The following MTUS2 variants were observed in gnomAD, a reference collection of about 807,000 sequenced individuals.
MTUS2 encodes microtubule associated scaffold protein 2.
In MTUS2, 40 loss-of-function variants were observed where a neutral mutation model predicts 114.1. That is an observed-to-expected ratio of 0.35 (90% CI 0.27 to 0.46). MTUS2 has a LOEUF of 0.46. Ranked by LOEUF, MTUS2 falls within the 20% of genes least tolerant of loss-of-function variation. MTUS2 has a pLI of 1.00. For missense variants in MTUS2, 1,679 were observed against 1,705.4 expected (o/e 0.98, Z 0.27); for synonymous variants, 688 against 672.0 (o/e 1.02, Z -0.37).
At chr13:29,171,342 C>A (rs1266592305) in intron 5 of MTUS2, among the ~76,000 whole-genome samples, 1 of 152,104 alleles carries the variant, frequency 6.6e-6, no homozygotes, top group East Asian at 1.9e-4. Flanking sequence ...AATAAGAATC[C>A]AGCAGGACCT....
chr13:29,325,539 A>AAGG (rs1491542048), intron 7 of MTUS2, among the ~76,000 whole-genome samples: 17 of 136,662 alleles, frequency 1.2e-4, no homozygotes, highest in African/African-American at 4.2e-4. Flanking sequence ...GAAGGAGAAG[A>AAGG]AAAGAAGAAG....
chr13:29,327,305 GCAGCTGTGAAAC>G (rs1196098555), intron 7 of MTUS2, among the ~76,000 whole-genome samples: 1 of 151,946 alleles, frequency 6.6e-6, no homozygotes, highest in African/African-American at 2.4e-5. Flanking sequence ...CCATGTGTAC[GCAGCTGTGAAAC>G]CATCATCCCA....
At chr13:29,246,156 CA>C (rs952345699) in intron 5 of MTUS2, among the ~76,000 whole-genome samples, 5 of 151,326 alleles carry the variant, frequency 3.3e-5, no homozygotes, top group African/African-American at 1.2e-4. Flanking sequence ...GCAGAAGTGG[CA>C]AAAAAAATAG....
chr13:29,013,070 T>G (rs2138428708), intron 2 of MTUS2, among the ~76,000 whole-genome samples: 1 of 152,294 alleles, frequency 6.6e-6, no homozygotes, highest in East Asian at 1.9e-4. Flanking sequence ...AACAAAAACC[T>G]TGTGTGATTC....
At chr13:29,125,141 T>C (rs1891463361) in intron 5 of MTUS2, among the ~76,000 whole-genome samples, 1 of 152,252 alleles carries the variant, frequency 6.6e-6, no homozygotes, top group African/African-American at 2.4e-5. Flanking sequence ...TGTCAGCCAA[T>C]TATTTAGTTG....
intron 2 of MTUS2, among the ~76,000 whole-genome samples, chr13:28,853,331 C>T (rs1033438019): frequency 1.3e-5 from 2 of 152,238 alleles, no homozygotes; most frequent in East Asian, 1.9e-4. Context: ...ATCTCTTGTT[C>T]TCCATGTTCC....
intron 7 of MTUS2, among the ~76,000 whole-genome samples, chr13:29,336,715 C>G (rs1593317825): frequency 6.6e-6 from 1 of 152,218 alleles, no homozygotes; most frequent in Admixed American, 6.5e-5. Flanking sequence ...GAAGGAACAA[C>G]ATTTAAGTCT....
In MTUS2 at chr13:29,026,543, G is replaced by A. The variant is rs1459235953; in HGVS notation, c.1845G>A (p.Met615Ile). The change falls in exon 3 of 16, where the codon ATG (methionine) becomes ATA (isoleucine). Residue 615 changes from methionine to isoleucine, a missense_variant. Around this residue, in one of 3 missense-constraint regions of MTUS2, gnomAD observed 843 missense variants for 770.8 expected, o/e 1.09. Transcript: ENST00000612955. ...ACACACCTTCCTCGCAGGAGGGAATGGAGAACTATCAGGTTGAAAAAACAG... is the reference window on the plus strand; with the variant it reads ...ACACACCTTCCTCGCAGGAGGGAATAGAGAACTATCAGGTTGAAAAAACAG... ...SKDTPSSQEGMENYQVEKTEE... is the reference protein window; with the variant it reads ...SKDTPSSQEGIENYQVEKTEE... 6 of 1,613,946 alleles carry A rather than the reference G, an allele frequency of 3.7e-6. No individual in the cohort carries two copies. Among genetic ancestry groups the A allele is most frequent in the Admixed American group, 1.7e-5 (1 of 60,020 alleles).
At chr13:29,022,806 G>A (rs952644054) in intron 2 of MTUS2, among the ~76,000 whole-genome samples, 19 of 152,222 alleles carry the variant, frequency 1.2e-4, no homozygotes, top group African/African-American at 4.3e-4. Flanking sequence ...GGTGATCTGT[G>A]AGTCTACTTT....
chr13:28,922,137 T>TC (rs1881077047), intron 2 of MTUS2, among the ~76,000 whole-genome samples: 1 of 152,104 alleles, frequency 6.6e-6, no homozygotes, highest in African/African-American at 2.4e-5. Context: ...GTGTAGCACC[T>TC]CCCCTTTGCT....
chr13:28,909,916 A>T (rs923993008), intron 2 of MTUS2, among the ~76,000 whole-genome samples: 1 of 152,158 alleles, frequency 6.6e-6, no homozygotes, highest in Non-Finnish European at 1.5e-5. Context: ...GTGGGTGCAT[A>T]GTAAGTATAT....
chr13:29,406,463 A>G lies in MTUS2; in HGVS notation c.3118-33520A>G, dbSNP rs1028022812. Among the ~76,000 whole-genome samples the G allele has an allele frequency of 4.6e-5, 7 of 152,282 alleles. No homozygotes were observed. In the South Asian group the frequency reaches 6.2e-4, roughly 14 times the overall value. ...TGTGAACTGGAGGCTTCAATTCCTC[A>G]CCACAGGGGCTTTCCCTAGGGCTTC... On this transcript the variant is annotated intron_variant, in intron 8 of 15. Coordinates refer to ENST00000612955, the MANE Select transcript of MTUS2 (RefSeq NM_001033602.4).
intron 4 of MTUS2, among the ~76,000 whole-genome samples, chr13:29,076,697 G>A (rs570849661): frequency 2.5e-3 from 379 of 152,266 alleles, no homozygotes; most frequent in Non-Finnish European, 3.7e-3. Context: ...GCCCAGGGAA[G>A]AATCTGCAGT....
chr13:29,018,538 G>A (rs1801398899), intron 2 of MTUS2, among the ~76,000 whole-genome samples: 1 of 152,206 alleles, frequency 6.6e-6, no homozygotes. Context: ...ACTTTGGGAG[G>A]CCAAGGTGGA....
chr13:29,171,047 A>G (rs1374173091), intron 5 of MTUS2, among the ~76,000 whole-genome samples: 1 of 152,102 alleles, frequency 6.6e-6, no homozygotes, highest in Non-Finnish European at 1.5e-5. Context: ...TCTCTGTGTT[A>G]ACTGAGGATC....
chr13:29,024,648 A>G lies in MTUS2; in HGVS notation c.-51A>G. 1.3e-6 allele frequency: 2 copies of G among 1,580,230 alleles called. No individual in the cohort carries two copies. The highest frequency in any genetic ancestry group is 1.7e-6 in the Non-Finnish European group (2 of 1,165,176). ...TCTGATTGCAGCTTGAAGGCAGCCCATTTCCATTAAGTAGGACTGCATGGC... is the reference window on the plus strand; with the variant it reads ...TCTGATTGCAGCTTGAAGGCAGCCCGTTTCCATTAAGTAGGACTGCATGGC... On this transcript the variant is annotated 5_prime_UTR_variant, in exon 3 of 16. Coordinates refer to ENST00000612955, the MANE Select transcript of MTUS2 (RefSeq NM_001033602.4).
chr13:28,888,714 G>A (rs962401391), intron 2 of MTUS2, among the ~76,000 whole-genome samples: 1 of 152,012 alleles, frequency 6.6e-6, no homozygotes, highest in Non-Finnish European at 1.5e-5. Context: ...GAGACACCGC[G>A]CTCGGCTCCT....
At chr13:29,432,288 G>T (rs1877059425) in intron 8 of MTUS2, among the ~76,000 whole-genome samples, 1 of 152,068 alleles carries the variant, frequency 6.6e-6, no homozygotes, top group South Asian at 2.1e-4. Flanking sequence ...GGATCCCAAA[G>T]GGCCCATTCA....
chr13:29,061,123 G>A (rs972247530), intron 4 of MTUS2, among the ~76,000 whole-genome samples: 1 of 152,040 alleles, frequency 6.6e-6, no homozygotes, highest in African/African-American at 2.4e-5. Context: ...ATTTTGATTG[G>A]ATGTTGGACA....
Sources: allele counts gnomAD v4.1 joint callset (sites outside exome capture counted in the v4.1 genomes callset), GRCh38; gene constraint gnomAD v4.1.1; regional missense constraint gnomAD v4.1.1; transcripts MANE v1.5; gene names NCBI Gene and HGNC (gene_info 2026-07-23, HGNC 2026-07-21).